Variants in DPP8 observed in about 807,000 individuals in gnomAD.
DPP8 encodes dipeptidyl peptidase 8, also known as DPP VIII.
DPP8 carries 31 observed loss-of-function variants against 107.5 expected under a neutral mutation model. The observed-to-expected ratio is 0.29, with a 90% CI of 0.22 to 0.39. DPP8 has a LOEUF of 0.39. Among genes scored for constraint, DPP8 ranks in the 10% least tolerant of loss-of-function variants. The pLI is 1.00. For missense variants in DPP8, 842 were observed against 1,076.1 expected (o/e 0.78, Z 3.04); for synonymous variants, 381 against 356.6 (o/e 1.07, Z -0.77).
intron 5 of DPP8, among the ~76,000 whole-genome samples, chr15:65,495,924 G>A (rs2068545320): frequency 6.6e-6 from 1 of 151,664 alleles, no homozygotes; most frequent in African/African-American, 2.4e-5. Flanking sequence ...ACAAACTTGA[G>A]AGAATATGTA....
At chr15:65,499,710 G>A (rs4270121) in intron 4 of DPP8, among the ~76,000 whole-genome samples, 8,433 of 151,746 alleles carry the variant, frequency 0.056, 811 homozygotes, top group African/African-American at 0.19. Context: ...GACTACAGGC[G>A]CATGCTACCT....
At chr15:65,479,882 GTA>G (rs999061707) in intron 10 of DPP8, among the ~76,000 whole-genome samples, 3 of 148,988 alleles carry the variant, frequency 2.0e-5, no homozygotes, top group African/African-American at 7.4e-5. Context: ...AAAAGAATTG[GTA>G]TATTTTGGTA....
intron 1 of DPP8, among the ~76,000 whole-genome samples, chr15:65,513,199 T>C (rs1201089354): frequency 6.6e-6 from 1 of 151,076 alleles, no homozygotes; most frequent in African/African-American, 2.4e-5. Context: ...ACTATCATGA[T>C]CATTTGTGGT....
intron 8 of DPP8, among the ~76,000 whole-genome samples, chr15:65,483,586 C>CAATAAAATAA (rs71139408): frequency 0.035 from 4,955 of 140,748 alleles, 191 homozygotes; most frequent in African/African-American, 0.088. Context: ...TTTCTTCAAA[C>CAATAAAATAA]AATAAAATAA....
chr15:65,512,756 T>TA (rs1048345352), intron 1 of DPP8, 192 bp from the exon 2 acceptor site: 114 of 594,904 alleles, frequency 1.9e-4, no homozygotes, highest in East Asian at 4.6e-4. Flanking sequence ...AAAATGAAAT[T>TA]AAAAAAAAAT....
chr15:65,466,912 G>C lies in DPP8; in HGVS notation c.1690-99C>G, dbSNP rs1467791807. 2.3e-5 allele frequency: 33 copies of C among 1,413,862 alleles called. 1 individual carries two copies. Among genetic ancestry groups the C allele is most frequent in the Non-Finnish European group, 3.2e-5 (33 of 1,033,822 alleles). 87.6% of individuals were successfully genotyped at this position (1,413,862 alleles called of 1,614,324 possible). A position where few individuals can be genotyped will look rare whatever the true frequency, so the allele number is the denominator to read the frequency against. On this transcript the variant is annotated intron_variant, in intron 13 of 19. Coordinates refer to ENST00000300141, the MANE Select transcript of DPP8 (RefSeq NM_130434.5). The stretch of plus-strand genomic sequence containing the variant: ...ATGATATAGCAAGAGTATTATAAGA[G>C]ACTATTTATGTACATATACAATGTT...
At chr15:65,505,190 C>T (rs1320928199) in intron 3 of DPP8, among the ~76,000 whole-genome samples, 1 of 151,716 alleles carries the variant, frequency 6.6e-6, no homozygotes, top group Non-Finnish European at 1.5e-5. Flanking sequence ...CCCGTCCGTA[C>T]TAAAAATGCA....
At chr15:65,500,210 G>A (rs771737901) in intron 4 of DPP8, among the ~76,000 whole-genome samples, 9 of 152,124 alleles carry the variant, frequency 5.9e-5, no homozygotes, top group African/African-American at 1.4e-4. Flanking sequence ...CCTGAGGTCA[G>A]GAGTTCAAGA....
intron 18 of DPP8, 31 bp downstream of exon 18, chr15:65,451,929 T>TAAA (rs377663509): frequency 2.8e-4 from 402 of 1,433,458 alleles, no homozygotes; most frequent in South Asian, 5.4e-4. Flanking sequence ...TGTCTCAATT[T>TAAA]AAAAAAAAAA....
chr15:65,478,787 G>T, intron 11 of DPP8, 93 bp downstream of exon 11: 3 of 840,142 alleles, frequency 3.6e-6, no homozygotes, highest in Non-Finnish European at 5.6e-6. Context: ...AAGTATTGAT[G>T]CTTATAAAGC....
At chr15:65,464,206 A>G (rs1319406839) in intron 14 of DPP8, among the ~76,000 whole-genome samples, 1 of 152,066 alleles carries the variant, frequency 6.6e-6, no homozygotes, top group Non-Finnish European at 1.5e-5. Context: ...TACTAAAAAT[A>G]CAAAAAATTA....
intron 11 of DPP8, 85 bp from the exon 12 acceptor site, chr15:65,474,373 T>A (rs1487631979): frequency 4.8e-6 from 5 of 1,036,340 alleles, no homozygotes; most frequent in Non-Finnish European, 7.3e-6. Context: ...CTAAGCTCTT[T>A]TTTCCAAAAA....
At chr15:65,465,648 T>C (rs1023256885) in intron 14 of DPP8, among the ~76,000 whole-genome samples, 80 of 145,446 alleles carry the variant, frequency 5.5e-4, no homozygotes, top group African/African-American at 2.0e-3. Context: ...CTCCGCCTCC[T>C]GGGTTCAAGC....
intron 14 of DPP8, among the ~76,000 whole-genome samples, chr15:65,464,370 T>A (rs1389176637): frequency 2.1e-5 from 3 of 145,148 alleles, no homozygotes; most frequent in Admixed American, 6.9e-5. Context: ...CTCAAAAAAA[T>A]AAATAAATAA....
chr15:65,454,169 G>T (rs1595860137), intron 17 of DPP8, 94 bp downstream of exon 17: 208 of 818,238 alleles, frequency 2.5e-4, no homozygotes, highest in Non-Finnish European at 3.1e-4. Context: ...TGCCAACTCT[G>T]TAAACCTTCA....
At chr15:65,464,085 C>T (rs373574056) in intron 14 of DPP8, among the ~76,000 whole-genome samples, 179 bp from the exon 15 acceptor site, 7 of 152,092 alleles carry the variant, frequency 4.6e-5, no homozygotes, top group South Asian at 2.1e-4. Context: ...AAAACTAGGC[C>T]GGGCGCAGTG....
At position 65,451,040 on chromosome 15, in the gene DPP8, G is replaced by A. The variant is rs2140330597; in HGVS notation, c.2485C>T (p.Leu829=). The A allele has an allele frequency of 6.2e-7, 1 of 1,611,850 alleles. No individual in the cohort carries two copies. Among genetic ancestry groups the A allele is most frequent in the Non-Finnish European group, 8.5e-7 (1 of 1,178,584 alleles). ...TTTCCAGCCCTCACTAAAAAACTCA[G>A]TAATATACTGGTATGTGCAAAATGG... ...NVHFAHTSIL[L]SFLVRAGKPY... The change falls in exon 19 of 20, where the codon CTG becomes TTG. Residue 829 remains leucine (L), a synonymous_variant. Coordinates refer to ENST00000300141, the MANE Select transcript of DPP8 (RefSeq NM_130434.5).
At chr15:65,483,149 T>C (rs923059235) in intron 8 of DPP8, among the ~76,000 whole-genome samples, 7 of 151,926 alleles carry the variant, frequency 4.6e-5, no homozygotes, top group Admixed American at 2.0e-4. Flanking sequence ...AGGATGGCTA[T>C]AGTAAATATA....
chr15:65,467,620 C>T (rs2065478160), intron 12 of DPP8, among the ~76,000 whole-genome samples: 1 of 152,136 alleles, frequency 6.6e-6, no homozygotes, highest in East Asian at 1.9e-4. Flanking sequence ...TCAAGCAATC[C>T]TCCTGCCTCA....
Sources: gnomAD v4.1 joint callset for allele counts (sites outside exome capture counted in the v4.1 genomes callset) on GRCh38, gnomAD v4.1.1 for gene constraint, MANE v1.5 for transcripts, NCBI Gene and HGNC (gene_info 2026-07-23, HGNC 2026-07-21) for gene names.